Variants in REEP5 observed in about 807,000 individuals in gnomAD.
The protein encoded by REEP5 is receptor expression-enhancing protein 5.
In REEP5, 24 loss-of-function variants were observed where a neutral mutation model predicts 22.4. The ratio of observed to expected loss-of-function variants is 1.07; its 90% CI spans 0.78 to 1.51. The LOEUF (loss-of-function observed/expected upper bound fraction) is 1.51, where lower values mean the gene tolerates loss of function less well. REEP5 is among the 40% of genes most tolerant of loss of function. The pLI, the probability that REEP5 is intolerant of heterozygous loss-of-function variation, is 0.00. For missense variants in REEP5, 252 were observed against 233.0 expected (o/e 1.08, Z -0.53); for synonymous variants, 103 against 88.6 (o/e 1.16, Z -0.92).
chr5:112,899,146 A>G (rs1768782911), intron 3 of REEP5, among the ~76,000 whole-genome samples: 1 of 151,890 alleles, frequency 6.6e-6, no homozygotes, highest in Non-Finnish European at 1.5e-5. Flanking sequence ...TTGGGTGATC[A>G]TTGCTTATTG....
Position 112,878,415 on chromosome 5 carries a change from GAT to G in REEP5, c.*369_*370del, listed in dbSNP as rs1162258466. On this transcript the variant is annotated 3_prime_UTR_variant, in exon 5 of 5. Transcript: ENST00000379638. ...ACATTACAGGAAGTAGAACCATAAA[GAT>G]TATCCTAAATGTAACTACAGAGAAA... The G allele has an allele frequency of 2.0e-5, 4 of 203,734 alleles. No individual in the cohort carries two copies. The East Asian group carries it at 4.7e-4, about 24-fold the overall frequency. The allele number at this position is 203,734 out of a possible 1,614,324, so 12.6% of individuals were successfully genotyped here. A position where few individuals can be genotyped will look rare whatever the true frequency, so the allele number is the denominator to read the frequency against.
intron 3 of REEP5, chr5:112,892,049 A>C (rs1233189144): frequency 6.6e-7 from 1 of 1,517,144 alleles, no homozygotes; most frequent in Non-Finnish European, 9.2e-7. Context: ...AAGAAAGAAA[A>C]AGAGGAAGCT....
chr5:112,894,281 A>T (rs1033744954), intron 3 of REEP5: 2 of 152,076 alleles, frequency 1.3e-5, no homozygotes, highest in African/African-American at 4.8e-5. Flanking sequence ...CACCGTGCCC[A>T]GCTAATTTTT....
intron 1 of REEP5, chr5:112,921,730 G>A: frequency 4.3e-6 from 1 of 232,514 alleles, no homozygotes; most frequent in Non-Finnish European, 8.3e-6. Flanking sequence ...CTCCGTCAAC[G>A]CGCCCGCCCG....
Position 112,876,644 on chromosome 5 carries a change from A to G in REEP5, c.*2142T>C, listed in dbSNP as rs1057314531. ...TACATACCTTTGAAACACTATTCAC[A>G]TTCAAATAAACGCTTGTTTTCTAGC... On this transcript the variant is annotated 3_prime_UTR_variant, in exon 5 of 5. Transcript: ENST00000379638. 9 of 152,242 alleles carry G rather than the reference A, an allele frequency of 5.9e-5. No homozygotes were observed. Among genetic ancestry groups the G allele is most frequent in the Non-Finnish European group, 8.8e-5 (6 of 68,042 alleles). The allele number at this position is 152,242 out of a possible 1,614,324, so 9.4% of individuals were successfully genotyped here.
chr5:112,887,265 TG>T, intron 3 of REEP5, 82 bp from the exon 4 acceptor site: 2 of 1,273,076 alleles, frequency 1.6e-6, no homozygotes. Context: ...TTCACTACTC[TG>T]GGGATGGGAG....
intron 3 of REEP5, among the ~76,000 whole-genome samples, chr5:112,888,115 T>C (rs1285928436): frequency 1.3e-5 from 2 of 152,172 alleles, no homozygotes; most frequent in East Asian, 3.8e-4. Context: ...CAAATCAGTA[T>C]TTTTTACAAC....
In REEP5 at chr5:112,921,069, T is replaced by C. The variant is rs1477279196; in HGVS notation, c.212+94A>G. 3.2e-6 allele frequency: 4 copies of C among 1,251,832 alleles called. No individual in the cohort carries two copies. In the East Asian group the frequency reaches 7.2e-5, roughly 23 times the overall value. 77.5% of individuals were successfully genotyped at this position (1,251,832 alleles called of 1,614,324 possible). On this transcript the variant is annotated intron_variant, in intron 2 of 4. Transcript: ENST00000379638. ...TCCCTCCCCGCCGAGCTTTCACTTT[T>C]CTCCCGGGAATTGCGGATGTGCAGT...
intron 3 of REEP5, chr5:112,897,575 G>C (rs1768730040): frequency 1.3e-5 from 2 of 152,134 alleles, no homozygotes; most frequent in Non-Finnish European, 2.9e-5. Context: ...TCTTGCTCAA[G>C]GCCAGATGTC....
chr5:112,914,611 C>A (rs1321081827), intron 2 of REEP5, among the ~76,000 whole-genome samples: 1 of 152,176 alleles, frequency 6.6e-6, no homozygotes, highest in African/African-American at 2.4e-5. Context: ...ACCAGTGGTT[C>A]TATAAGTATC....
rs1767931846 is a variant in REEP5, at chr5:112,877,439, T to C, written c.*1347A>G. On this transcript the variant is annotated 3_prime_UTR_variant, in exon 5 of 5. Transcript: ENST00000379638. ...CTCAGATTTTCTAGTCCAGACAAAT[T>C]GCTCTCTATAACGATTTGGCAGATC... 6.6e-6 allele frequency: 1 copy of C among 152,178 alleles called. No individual in the cohort carries two copies. Among genetic ancestry groups the C allele is most frequent in the African/African-American group, 2.4e-5 (1 of 41,444 alleles). The allele number at this position is 152,178 out of a possible 1,614,324, so 9.4% of individuals were successfully genotyped here. A position where few individuals can be genotyped will look rare whatever the true frequency, so the allele number is the denominator to read the frequency against.
intron 4 of REEP5, chr5:112,885,752 A>C (rs912632571): frequency 2.2e-5 from 6 of 274,986 alleles, no homozygotes; most frequent in Non-Finnish European, 4.6e-5. Flanking sequence ...GAACTAATTA[A>C]TTTTGACTAC....
intron 3 of REEP5, chr5:112,897,659 T>C (rs952500029): frequency 5.3e-5 from 8 of 152,248 alleles, no homozygotes; most frequent in Non-Finnish European, 8.8e-5. Flanking sequence ...AACTAAGCTT[T>C]GATGCCAAGC....
chr5:112,892,158 T>C (rs767462791), intron 3 of REEP5: 434 of 1,613,958 alleles, frequency 2.7e-4, no homozygotes, highest in African/African-American at 4.0e-5. Context: ...TGGAGAAGGA[T>C]CGAGCTAATT....
At chr5:112,886,494 T>C (rs1345165846) in intron 4 of REEP5, among the ~76,000 whole-genome samples, 3 of 152,232 alleles carry the variant, frequency 2.0e-5, no homozygotes, top group Non-Finnish European at 4.4e-5. Flanking sequence ...TTTAGTTTTC[T>C]TCTGCAAGTG....
At chr5:112,901,107 A>C (rs895737364) in intron 3 of REEP5, among the ~76,000 whole-genome samples, 2 of 152,112 alleles carry the variant, frequency 1.3e-5, no homozygotes, top group Non-Finnish European at 2.9e-5. Context: ...CCAAAGTGCT[A>C]GAATTGCAGG....
At position 112,921,239 on chromosome 5, in the gene REEP5, C is replaced by T; in HGVS notation, c.136G>A (p.Ala46Thr). The part of the protein sequence containing the change: ...FIALGVIGLV[A>T]LYLVFGYGAS... ...CCATAACCGAACACCAGGTACAAGG[C>T]CACCAGTCCGATGACACCTGGGGAC... Residue 46 changes from alanine to threonine, a missense_variant, in exon 2 of 5, where the codon GCC becomes ACC. Coordinates refer to ENST00000379638, the MANE Select transcript of REEP5 (RefSeq NM_005669.5). 2.5e-6 allele frequency: 4 copies of T among 1,614,122 alleles called. No homozygotes were observed. The highest frequency in any genetic ancestry group is 3.4e-6 in the Non-Finnish European group (4 of 1,180,020).
At chr5:112,919,752 T>C (rs1363740143) in intron 2 of REEP5, among the ~76,000 whole-genome samples, 1 of 152,096 alleles carries the variant, frequency 6.6e-6, no homozygotes, top group East Asian at 1.9e-4. Context: ...GTCCTGGATT[T>C]CCCAGCCTCC....
At chr5:112,893,979 GAATTA>G (rs1170685233) in intron 3 of REEP5, 4 of 152,164 alleles carry the variant, frequency 2.6e-5, no homozygotes, top group African/African-American at 9.7e-5. Context: ...CCAAAATGGA[GAATTA>G]AATGACTGTA....
Sources: allele counts gnomAD v4.1 joint callset (sites outside exome capture counted in the v4.1 genomes callset), GRCh38; gene constraint gnomAD v4.1.1; transcripts MANE v1.5; gene names NCBI Gene and HGNC (gene_info 2026-07-23, HGNC 2026-07-21).